Variants in FRMD3 observed in about 807,000 individuals in gnomAD.
FRMD3 encodes FERM domain-containing protein 3.
FRMD3 carries 33 observed loss-of-function variants against 70.2 expected under a neutral mutation model. The observed-to-expected ratio is 0.47, with a 90% CI of 0.36 to 0.63. FRMD3 has a LOEUF of 0.63. Ranked by LOEUF, FRMD3 falls within the 20% of genes least tolerant of loss-of-function variation. FRMD3 has a pLI of 0.00. For synonymous variants in FRMD3, 279 were observed against 255.9 expected, an observed-to-expected ratio of 1.09 and a Z score of -0.86; for missense variants, 632 against 711.4, an observed-to-expected ratio of 0.89 and a Z score of 1.27.
chr9:83,407,688 A>C (rs1452929678), intron 1 of FRMD3, among the ~76,000 whole-genome samples: 1 of 152,152 alleles, frequency 6.6e-6, no homozygotes. Flanking sequence ...ATTCTCTCAC[A>C]GTTCTTTGTA....
chr9:83,445,157 C>T (rs1827418610), intron 1 of FRMD3, among the ~76,000 whole-genome samples: 1 of 152,150 alleles, frequency 6.6e-6, no homozygotes, highest in Admixed American at 6.5e-5. Flanking sequence ...GGTCAGATCA[C>T]TTGAAGTCAG....
rs142050232 is a variant in FRMD3, at chr9:83,475,921, T to TC, written c.147+62163dup. On this transcript the variant is annotated intron_variant, in intron 1 of 13. Coordinates refer to ENST00000304195, the MANE Select transcript of FRMD3 (RefSeq NM_174938.6). The stretch of plus-strand genomic sequence containing the variant: ...AATGAGTGTTAGGTCCCTTTCCTCC[T>TC]CCCCCCAGGCCTCACTTACGTAAAT... Among the ~76,000 whole-genome samples, 683 of 152,178 alleles carry TC rather than the reference T, an allele frequency of 4.5e-3. 2 individuals carry two copies. The highest frequency in any genetic ancestry group is 0.016 in the African/African-American group (652 of 41,508).
intron 1 of FRMD3, among the ~76,000 whole-genome samples, chr9:83,485,180 G>T (rs577162786): frequency 6.6e-6 from 1 of 152,296 alleles, no homozygotes; most frequent in East Asian, 1.9e-4. Flanking sequence ...CCTGAGTTAC[G>T]CTCATTTCAT....
intron 1 of FRMD3, among the ~76,000 whole-genome samples, chr9:83,446,333 T>C (rs1338326040): frequency 6.6e-6 from 1 of 152,024 alleles, no homozygotes; most frequent in Non-Finnish European, 1.5e-5. Context: ...CAAACAAAAC[T>C]ATAACTGACA....
chr9:83,287,069 T>C (rs1587680177), intron 13 of FRMD3, among the ~76,000 whole-genome samples: 1 of 152,226 alleles, frequency 6.6e-6, no homozygotes, highest in East Asian at 1.9e-4. Flanking sequence ...GTCTGCCTTT[T>C]ACTATGCCTT....
chr9:83,362,153 A>T (rs1466564583), intron 3 of FRMD3, among the ~76,000 whole-genome samples: 1 of 150,250 alleles, frequency 6.7e-6, no homozygotes, highest in Non-Finnish European at 1.5e-5. Context: ...GCTTTACACC[A>T]GAGCAAAATC....
At chr9:83,418,843 C>T (rs28886289) in intron 1 of FRMD3, among the ~76,000 whole-genome samples, 4,156 of 152,288 alleles carry the variant, frequency 0.027, 200 homozygotes, top group African/African-American at 0.094. Context: ...TTTATAGCTG[C>T]ACAGTTCACA....
chr9:83,307,370 A>G (rs948445846), intron 10 of FRMD3, among the ~76,000 whole-genome samples: 9 of 152,256 alleles, frequency 5.9e-5, no homozygotes, highest in African/African-American at 1.7e-4. Flanking sequence ...CAATGCTCGT[A>G]GCAGCATTAC....
Position 83,336,484 on chromosome 9 carries a change from A to AG in FRMD3, c.473-846dup, listed in dbSNP as rs201833794. Reference sequence around the variant, plus strand: ...TCTGTGTCAGGAATTCCCTGACTGGAGCTGCCTGCTCTGAGGCTTATGCAG... The same window carrying AG: ...TCTGTGTCAGGAATTCCCTGACTGGAGGCTGCCTGCTCTGAGGCTTATGCAG... On this transcript the variant is annotated intron_variant, in intron 5 of 13. Transcript: ENST00000304195. 4.2e-3 allele frequency among the ~76,000 whole-genome samples: 633 copies of AG among 151,218 alleles called. 7 individuals are homozygous for AG. Among genetic ancestry groups the AG allele is most frequent in the African/African-American group, 0.015 (600 of 41,120 alleles).
At position 83,334,343 on chromosome 9, in the gene FRMD3, C is replaced by G. The variant is rs148899111; in HGVS notation, c.596+1173G>C. Among the ~76,000 whole-genome samples, 7 of 152,318 alleles carry G rather than the reference C, an allele frequency of 4.6e-5. 1 individual carries two copies. The East Asian group carries it at 9.7e-4, about 21-fold the overall frequency. ...TTTTGATGTCTAATCATCTTTATCT[C>G]TAAGACTAAGCGTCATATTTTCCCA... On this transcript the variant is annotated intron_variant, in intron 6 of 13. Transcript: ENST00000304195.
At chr9:83,347,808 A>G (rs1008770918) in intron 4 of FRMD3, among the ~76,000 whole-genome samples, 1 of 152,226 alleles carries the variant, frequency 6.6e-6, no homozygotes, top group Non-Finnish European at 1.5e-5. Context: ...TACCTGGGGC[A>G]TTCCACAGTT....
At chr9:83,252,094 T>C (rs1357592214) in intron 13 of FRMD3, among the ~76,000 whole-genome samples, 2 of 151,874 alleles carry the variant, frequency 1.3e-5, no homozygotes, top group Non-Finnish European at 2.9e-5. Context: ...AAGTTCGAAA[T>C]GAAAGAAGAA....
chr9:83,248,347 G>A lies in FRMD3; in HGVS notation c.1365C>T (p.Pro455=). The change falls in exon 14 of 14, where the codon CCC becomes CCT. Residue 455 remains proline, a synonymous_variant. Transcript: ENST00000304195. ...CAATCTCATCGTCATCCACAGGGGT[G>A]GGGAGCAGGCTGGCACTTGGGTTGT... ...LVYNPSASLL[P]TPVDDDEIDM... 6.2e-7 allele frequency: 1 copy of A among 1,614,150 alleles called. No individual in the cohort carries two copies. Among genetic ancestry groups the A allele is most frequent in the South Asian group, 1.1e-5 (1 of 91,076 alleles).
intron 3 of FRMD3, chr9:83,350,663 G>GAAGAAA (rs1824125200): frequency 5.4e-6 from 2 of 372,484 alleles, no homozygotes; most frequent in African/African-American, 4.6e-5. Flanking sequence ...GAAAAAGAAA[G>GAAGAAA]AAGAAAAAGA....
chr9:83,488,257 T>C (rs559468468), intron 1 of FRMD3, among the ~76,000 whole-genome samples: 1 of 152,350 alleles, frequency 6.6e-6, no homozygotes, highest in Admixed American at 6.5e-5. Flanking sequence ...CTTTCAAACT[T>C]GGTTCCTCAG....
intron 6 of FRMD3, chr9:83,331,862 C>T: frequency 1.4e-6 from 1 of 717,474 alleles, no homozygotes; most frequent in Non-Finnish European, 2.6e-6. Context: ...CTTCTGAACA[C>T]CATAGAATTG....
At chr9:83,493,415 G>T (rs1353351057) in intron 1 of FRMD3, among the ~76,000 whole-genome samples, 2 of 152,202 alleles carry the variant, frequency 1.3e-5, no homozygotes, top group African/African-American at 4.8e-5. Context: ...GGTGATCTGT[G>T]CATTCCTGTA....
At chr9:83,347,827 C>T (rs377542532) in intron 4 of FRMD3, among the ~76,000 whole-genome samples, 123 of 152,248 alleles carry the variant, frequency 8.1e-4, no homozygotes, top group African/African-American at 2.5e-3. Flanking sequence ...TTTCTCAATT[C>T]GTTTAGAATT....
chr9:83,244,939 G>A lies in FRMD3; in HGVS notation c.*2979C>T, dbSNP rs1420544770. 1 of 984,312 alleles carries A rather than the reference G, an allele frequency of 1.0e-6. No homozygotes were observed. Among genetic ancestry groups the A allele is most frequent in the Non-Finnish European group, 1.2e-6 (1 of 829,190 alleles). 61.0% of individuals were successfully genotyped at this position (984,312 alleles called of 1,614,324 possible). A position where few individuals can be genotyped will look rare whatever the true frequency, so the allele number is the denominator to read the frequency against. On this transcript the variant is annotated 3_prime_UTR_variant, in exon 14 of 14. Coordinates refer to ENST00000304195, the MANE Select transcript of FRMD3 (RefSeq NM_174938.6). ...GATCCAACTTGCATTAGCACTAAAGGCAATATTGTGTGTGTATATGTATTT... is the reference window on the plus strand; with the variant it reads ...GATCCAACTTGCATTAGCACTAAAGACAATATTGTGTGTGTATATGTATTT...
Sources: gnomAD v4.1 joint callset for allele counts (sites outside exome capture counted in the v4.1 genomes callset) on GRCh38, gnomAD v4.1.1 for gene constraint, MANE v1.5 for transcripts, NCBI Gene and HGNC (gene_info 2026-07-23, HGNC 2026-07-21) for gene names.